The following FOXN3 variants were observed in gnomAD, a reference collection of about 807,000 sequenced individuals.
The protein encoded by FOXN3 is forkhead box N3.
Under a neutral mutation model 38.4 loss-of-function variants are expected in FOXN3, and 7 were observed. The ratio of observed to expected loss-of-function variants is 0.18; its 90% confidence interval spans 0.10 to 0.34. FOXN3 has a LOEUF of 0.34. Ranked by LOEUF, FOXN3 falls within the 10% of genes least tolerant of loss-of-function variation. The pLI, the probability that FOXN3 is intolerant of heterozygous loss-of-function variation, is 1.00. For missense variants in FOXN3, 456 were observed against 613.4 expected (o/e 0.74, Z 2.71); for synonymous variants, 230 against 242.2 (o/e 0.95, Z 0.47).
intron 1 of FOXN3, among the ~76,000 whole-genome samples, chr14:89,599,761 CTTCACTACCTATGTTTTAT>C (rs1054424177): frequency 3.9e-5 from 6 of 152,098 alleles, no homozygotes; most frequent in Non-Finnish European, 8.8e-5. Context: ...TGAGTTTTGG[CTTCACTACCTATGTTTTAT>C]TTCTGATTCA....
intron 1 of FOXN3, among the ~76,000 whole-genome samples, chr14:89,583,448 A>G (rs968472872): frequency 2.0e-5 from 3 of 152,216 alleles, no homozygotes; most frequent in Admixed American, 2.0e-4. Context: ...GCCTTCTGCC[A>G]TGGAAGGATG....
intron 4 of FOXN3, among the ~76,000 whole-genome samples, chr14:89,265,609 GC>G (rs1187423417): frequency 1.3e-5 from 2 of 152,132 alleles, no homozygotes; most frequent in Non-Finnish European, 2.9e-5. Context: ...CAGGGTTAAT[GC>G]CTAAAAGAGG....
intron 1 of FOXN3, among the ~76,000 whole-genome samples, chr14:89,578,717 C>T (rs1318114715): frequency 6.6e-6 from 1 of 152,210 alleles, no homozygotes; most frequent in Non-Finnish European, 1.5e-5. Flanking sequence ...CAAACACAAT[C>T]CTGAACTGCT....
At chr14:89,209,826 T>G (rs941887425) in intron 4 of FOXN3, among the ~76,000 whole-genome samples, 2 of 152,216 alleles carry the variant, frequency 1.3e-5, no homozygotes, top group Admixed American at 6.5e-5. Flanking sequence ...ACAACGGTAT[T>G]TAATTGGGCC....
At chr14:89,224,877 G>A (rs1596114269) in intron 4 of FOXN3, among the ~76,000 whole-genome samples, 1 of 151,982 alleles carries the variant, frequency 6.6e-6, no homozygotes. Context: ...ACGCTTGTAA[G>A]CCCAGCACTT....
intron 4 of FOXN3, among the ~76,000 whole-genome samples, chr14:89,200,572 C>CTTGA (rs2139818688): frequency 6.6e-6 from 1 of 152,328 alleles, no homozygotes; most frequent in South Asian, 2.1e-4. Flanking sequence ...AAAGGAGTAC[C>CTTGA]TTGATACTCC....
intron 1 of FOXN3, among the ~76,000 whole-genome samples, chr14:89,523,638 T>C (rs1566685870): frequency 6.6e-6 from 1 of 152,104 alleles, no homozygotes; most frequent in Non-Finnish European, 1.5e-5. Context: ...AGAAAGTACT[T>C]CTAACTGGAT....
At position 89,229,212 on chromosome 14, in the gene FOXN3, TAAGAGTGTCACCCATGACAA is replaced by T. The variant is rs1429565316; in HGVS notation, c.746-48426_746-48407del. Among the ~76,000 whole-genome samples the T allele has an allele frequency of 3.9e-5, 6 of 152,250 alleles. 1 individual carries two copies. The highest frequency in any genetic ancestry group is 1.2e-4 in the African/African-American group (5 of 41,554). ...TGGTAGCTGCAGGGACTAAAATAGA[TAAGAGTGTCACCCATGACAA>T]AATTCGTCACATTGATTGCCGGGCC... On this transcript the variant is annotated intron_variant, in intron 4 of 5. Transcript: ENST00000557258.
At chr14:89,438,114 T>A (rs946464510) in intron 1 of FOXN3, among the ~76,000 whole-genome samples, 1 of 152,216 alleles carries the variant, frequency 6.6e-6, no homozygotes, top group African/African-American at 2.4e-5. Context: ...AATTAGAAAA[T>A]TAAAGTGTCA....
chr14:89,523,077 A>G (rs1368895567), intron 1 of FOXN3, among the ~76,000 whole-genome samples: 9 of 152,220 alleles, frequency 5.9e-5, no homozygotes, highest in Non-Finnish European at 1.5e-5. Flanking sequence ...CCCTATTAAT[A>G]TCAAGGTAGA....
chr14:89,393,350 G>A (rs543654794), intron 2 of FOXN3, among the ~76,000 whole-genome samples: 11 of 152,106 alleles, frequency 7.2e-5, no homozygotes, highest in Non-Finnish European at 1.2e-4. Flanking sequence ...GGTCACATTC[G>A]TGGTACCAGA....
upstream of FOXN3, chr14:89,417,484 G>A (rs1183988883): frequency 2.6e-5 from 4 of 151,048 alleles, no homozygotes; most frequent in African/African-American, 7.3e-5. Context: ...TGACCGGCGC[G>A]GGTCCCGCGA....
At chr14:89,593,601 T>G (rs79113235) in intron 1 of FOXN3, among the ~76,000 whole-genome samples, 220 of 152,324 alleles carry the variant, frequency 1.4e-3, no homozygotes, top group African/African-American at 4.8e-3. Flanking sequence ...ATGCATAATT[T>G]TAAATTGATT....
chr14:89,363,947 A>AATATATATATATATATATATATAT (rs67802765), intron 2 of FOXN3, among the ~76,000 whole-genome samples: 65 of 111,288 alleles, frequency 5.8e-4, no homozygotes, highest in Non-Finnish European at 9.2e-4. Context: ...CTGTCTGTAA[A>AATATATATATATATATATATATAT]ATATATATAT....
intron 4 of FOXN3, among the ~76,000 whole-genome samples, chr14:89,269,659 G>T (rs1886088825): frequency 6.6e-6 from 1 of 151,884 alleles, no homozygotes; most frequent in Admixed American, 6.6e-5. Context: ...TAGGACCACT[G>T]CCCCTTCAAC....
At chr14:89,476,318 A>C (rs1378038401) in intron 1 of FOXN3, among the ~76,000 whole-genome samples, 1 of 152,136 alleles carries the variant, frequency 6.6e-6, no homozygotes, top group Non-Finnish European at 1.5e-5. Flanking sequence ...TCTGAATGCC[A>C]TTCTCCTTCA....
At chr14:89,274,826 G>A (rs1416588599) in intron 4 of FOXN3, among the ~76,000 whole-genome samples, 1 of 152,310 alleles carries the variant, frequency 6.6e-6, no homozygotes, top group Admixed American at 6.5e-5. Flanking sequence ...TCAGATTTAT[G>A]TATACATCCA....
chr14:89,276,626 G>A (rs1452672591), intron 4 of FOXN3, among the ~76,000 whole-genome samples: 1 of 152,204 alleles, frequency 6.6e-6, no homozygotes, highest in Admixed American at 6.5e-5. Flanking sequence ...ACCTGGTTGA[G>A]AGGGTGGGAC....
At chr14:89,462,452 A>AT (rs1892866532) in intron 1 of FOXN3, among the ~76,000 whole-genome samples, 1 of 152,128 alleles carries the variant, frequency 6.6e-6, no homozygotes, top group Non-Finnish European at 1.5e-5. Context: ...ATCTTACTCT[A>AT]TTTTCTGTTG....
Sources: gnomAD v4.1 joint callset for allele counts (sites outside exome capture counted in the v4.1 genomes callset) on GRCh38, gnomAD v4.1.1 for gene constraint, MANE v1.5 for transcripts, NCBI Gene and HGNC (gene_info 2026-07-23, HGNC 2026-07-21) for gene names.